CAST: variants seen among roughly 807,000 people sequenced by gnomAD.
CAST encodes calpastatin, also known as MIR583 host.
Under a neutral mutation model 119.6 loss-of-function variants are expected in CAST, and 76 were observed. The ratio of observed to expected loss-of-function variants is 0.64; its 90% CI spans 0.53 to 0.77. The LOEUF (loss-of-function observed/expected upper bound fraction) is 0.77. CAST is among the 30% of genes least tolerant of loss of function. CAST has a pLI of 0.00. For synonymous variants in CAST, 319 were observed against 331.6 expected (o/e 0.96, Z 0.41); for missense variants, 953 against 946.5 (o/e 1.01, Z -0.09).
chr5:96,507,521 T>C, the CAST span, among the ~76,000 whole-genome samples: 4 of 150,098 alleles, frequency 2.7e-5, no homozygotes, highest in Admixed American at 6.6e-5. Context: ...ACCAGAAGAA[T>C]AGTTTTCGCT....
At chr5:96,734,757 A>T (rs1041248437) in intron 9 of CAST, among the ~76,000 whole-genome samples, 1 of 152,206 alleles carries the variant, frequency 6.6e-6, no homozygotes, top group Non-Finnish European at 1.5e-5. Context: ...CCTGGGTACC[A>T]TTGGCAGGAG....
the CAST span, among the ~76,000 whole-genome samples, chr5:96,091,241 C>T: frequency 6.0e-5 from 9 of 150,958 alleles, no homozygotes; most frequent in African/African-American, 1.5e-4. Flanking sequence ...CTCGCTCTGT[C>T]GCCCAGGCTG....
chr5:96,305,555 G>C, the CAST span, among the ~76,000 whole-genome samples: 1 of 152,146 alleles, frequency 6.6e-6, no homozygotes, highest in African/African-American at 2.4e-5. Flanking sequence ...AGTGCTTCCT[G>C]GTTTTGCCCA....
At chr5:96,508,066 G>T in the CAST span, among the ~76,000 whole-genome samples, 9 of 151,368 alleles carry the variant, frequency 5.9e-5, no homozygotes, top group African/African-American at 2.2e-4. Flanking sequence ...TTGCTAAGTT[G>T]CCCAGGCTGG....
the CAST span, among the ~76,000 whole-genome samples, chr5:96,457,848 C>A: frequency 6.6e-6 from 1 of 152,204 alleles, no homozygotes; most frequent in Non-Finnish European, 1.5e-5. Context: ...AGACAGCTGT[C>A]ATTTTTCCCT....
the CAST span, among the ~76,000 whole-genome samples, chr5:96,319,615 G>C: frequency 1.4e-4 from 22 of 152,140 alleles, no homozygotes; most frequent in African/African-American, 5.3e-4. Context: ...CAATAGATGT[G>C]AAAACAATGT....
the CAST span, among the ~76,000 whole-genome samples, chr5:96,238,350 T>A: frequency 1.8e-4 from 14 of 78,832 alleles, no homozygotes; most frequent in East Asian, 1.1e-3. Flanking sequence ...CTTCTTCATC[T>A]TCATCTTCTT....
chr5:96,198,065 A>G, the CAST span, among the ~76,000 whole-genome samples: 1 of 152,152 alleles, frequency 6.6e-6, no homozygotes, highest in Non-Finnish European at 1.5e-5. Context: ...CGCTGGCCCA[A>G]CCTAGAAATT....
the CAST span, among the ~76,000 whole-genome samples, chr5:96,365,063 G>C: frequency 6.6e-6 from 1 of 152,174 alleles, no homozygotes; most frequent in Non-Finnish European, 1.5e-5. Context: ...CTTTATTTCT[G>C]CCTTCATTTC....
chr5:96,639,288 T>A (rs888713), intron 1 of CAST, among the ~76,000 whole-genome samples: 4,717 of 152,104 alleles, frequency 0.031, 89 homozygotes, highest in Non-Finnish European at 0.05. Flanking sequence ...GGCAGAGGTA[T>A]TTGGAGAGTG....
At chr5:96,469,568 G>A in the CAST span, among the ~76,000 whole-genome samples, 1 of 151,818 alleles carries the variant, frequency 6.6e-6, no homozygotes, top group South Asian at 2.1e-4. Flanking sequence ...TGACTCTGAG[G>A]GGTCAATTAC....
At chr5:96,719,520 T>C (rs1455744094) in intron 3 of CAST, among the ~76,000 whole-genome samples, 1 of 152,212 alleles carries the variant, frequency 6.6e-6, no homozygotes, top group Non-Finnish European at 1.5e-5. Flanking sequence ...GTAATTTCTA[T>C]TAAGGAACTT....
chr5:96,764,743 CACTT>C (rs1165860920), intron 25 of CAST, among the ~76,000 whole-genome samples: 3 of 152,222 alleles, frequency 2.0e-5, no homozygotes, highest in Non-Finnish European at 4.4e-5. Flanking sequence ...ACCAAAGAAA[CACTT>C]ACCCTCTATA....
At chr5:96,202,878 GA>G in the CAST span, among the ~76,000 whole-genome samples, 3 of 151,908 alleles carry the variant, frequency 2.0e-5, no homozygotes, top group Non-Finnish European at 4.4e-5. Context: ...TCATTATTAA[GA>G]ATTATATATC....
At chr5:96,177,032 A>T in the CAST span, among the ~76,000 whole-genome samples, 3 of 152,186 alleles carry the variant, frequency 2.0e-5, no homozygotes, top group African/African-American at 7.2e-5. Context: ...CTAAAGTAAG[A>T]GTTGGTCACA....
chr5:96,473,474 A>T, the CAST span, among the ~76,000 whole-genome samples: 1 of 152,362 alleles, frequency 6.6e-6, no homozygotes, highest in Non-Finnish European at 1.5e-5. Flanking sequence ...CTGTTCCAGG[A>T]AGTCATTGAG....
the CAST span, among the ~76,000 whole-genome samples, chr5:96,007,236 C>T: frequency 6.6e-6 from 1 of 152,128 alleles, no homozygotes; most frequent in Non-Finnish European, 1.5e-5. Flanking sequence ...GTAGTTCCTG[C>T]TCAAAGCAGG....
chr5:96,334,962 C>T, the CAST span, among the ~76,000 whole-genome samples: 1 of 152,226 alleles, frequency 6.6e-6, no homozygotes, highest in Non-Finnish European at 1.5e-5. Flanking sequence ...GAGCTCCACT[C>T]ACACCCTGCA....
the CAST span, among the ~76,000 whole-genome samples, chr5:95,962,249 G>C: frequency 6.6e-6 from 1 of 152,346 alleles, no homozygotes; most frequent in East Asian, 1.9e-4. Context: ...CTCGCCCTAC[G>C]CGGGTGGTCC....
Sources: gnomAD v4.1 joint callset for allele counts (sites outside exome capture counted in the v4.1 genomes callset) on GRCh38, gnomAD v4.1.1 for gene constraint, MANE v1.5 for transcripts, NCBI Gene and HGNC (gene_info 2026-07-23, HGNC 2026-07-21) for gene names.